The following PRKN variants were observed in gnomAD, a reference collection of about 807,000 sequenced individuals.
PRKN encodes the protein E3 ubiquitin-protein ligase parkin.
A neutral mutation model predicts 59.5 loss-of-function variants in PRKN; 56 were observed. The ratio of observed to expected loss-of-function variants is 0.94; its 90% CI spans 0.76 to 1.18. The LOEUF (loss-of-function observed/expected upper bound fraction) is 1.18, where lower values mean the gene tolerates loss of function less well. Among genes scored for constraint, PRKN ranks in the 50% most tolerant of loss-of-function variants. The pLI is 0.00. For missense variants in PRKN, 657 were observed against 596.4 expected, an observed-to-expected ratio of 1.10 and a Z score of -1.06; for synonymous variants, 250 against 222.1, an observed-to-expected ratio of 1.13 and a Z score of -1.12.
chr6:161,397,032 C>T lies in PRKN; in HGVS notation c.1084-10155G>A, dbSNP rs1189459871. On this transcript the variant is annotated intron_variant, in intron 9 of 11. Transcript: ENST00000366898. The surrounding 1 kb of genome is among the most constrained non-coding windows in gnomAD (Gnocchi z 4.2). ...GGTATACCTGTTCTGGCCCCTTTCC[C>T]CTGCAGCCTCAGCCAAAATGATCAA... is the stretch of plus-strand genomic sequence containing the variant. 6.6e-6 allele frequency among the ~76,000 whole-genome samples: 1 copy of T among 152,170 alleles called. No homozygotes were observed. Among genetic ancestry groups the T allele is most frequent in the Non-Finnish European group, 1.5e-5 (1 of 68,034 alleles).
intron 2 of PRKN, among the ~76,000 whole-genome samples, chr6:162,344,782 T>C (rs1261610798): frequency 6.6e-6 from 1 of 152,134 alleles, no homozygotes; most frequent in African/African-American, 2.4e-5. Flanking sequence ...GGTTTGAAAA[T>C]GGATGTGCCC....
chr6:162,226,961 T>C (rs886638836), intron 3 of PRKN, among the ~76,000 whole-genome samples: 1 of 152,136 alleles, frequency 6.6e-6, no homozygotes, highest in Admixed American at 6.6e-5. Flanking sequence ...AGAAGTTCAT[T>C]CTCTTGCTGC....
intron 4 of PRKN, among the ~76,000 whole-genome samples, chr6:162,119,660 A>G (rs1230744374): frequency 2.0e-5 from 3 of 152,090 alleles, no homozygotes; most frequent in African/African-American, 7.2e-5. Flanking sequence ...TGCCACTTCC[A>G]AGAACAGTTT....
At chr6:162,322,282 C>T (rs1783064202) in intron 2 of PRKN, among the ~76,000 whole-genome samples, 1 of 151,798 alleles carries the variant, frequency 6.6e-6, no homozygotes, top group South Asian at 2.1e-4. Context: ...TAAAACATTG[C>T]TGAGTGATAT....
chr6:161,855,498 C>A (rs1043519790), intron 6 of PRKN, among the ~76,000 whole-genome samples: 2 of 152,192 alleles, frequency 1.3e-5, no homozygotes, highest in African/African-American at 4.8e-5. Flanking sequence ...CACCATTCAT[C>A]TGATGAGATC....
chr6:161,353,017 A>T lies in PRKN; in HGVS notation c.1286-2806T>A, dbSNP rs1196531835. On this transcript the variant is annotated intron_variant, in intron 11 of 11. Transcript: ENST00000366898. The surrounding 1 kb of genome is among the most constrained non-coding windows in gnomAD (Gnocchi z 4.8). ...CTGGTCTCAAACTCCTGACCTCGTG[A>T]TCTGCCTGCCTTGGCCTCCCAAAGT... Among the ~76,000 whole-genome samples the T allele has an allele frequency of 6.6e-6, 1 of 152,062 alleles. No individual in the cohort carries two copies. The highest frequency in any genetic ancestry group is 1.5e-5 in the Non-Finnish European group (1 of 68,010).
chr6:162,405,260 T>C (rs189731632), intron 2 of PRKN, among the ~76,000 whole-genome samples: 475 of 152,310 alleles, frequency 3.1e-3, no homozygotes, highest in Non-Finnish European at 5.2e-3. Context: ...ATTTCTGTAA[T>C]GGCAGATCTT....
intron 9 of PRKN, among the ~76,000 whole-genome samples, chr6:161,516,355 T>C (rs1040373597): frequency 4.0e-5 from 6 of 150,196 alleles, no homozygotes; most frequent in African/African-American, 1.5e-4. Context: ...TAATTCCAGC[T>C]ACTCGGGAGG....
intron 9 of PRKN, among the ~76,000 whole-genome samples, chr6:161,486,159 T>A (rs779256051): frequency 6.6e-6 from 1 of 152,192 alleles, no homozygotes; most frequent in Non-Finnish European, 1.5e-5. Context: ...CATGTAATCA[T>A]GTATTATTTC....
chr6:162,503,275 G>A (rs1034418876), intron 1 of PRKN, among the ~76,000 whole-genome samples: 9 of 150,238 alleles, frequency 6.0e-5, no homozygotes, highest in East Asian at 2.0e-4. Flanking sequence ...CAATTCTCCC[G>A]CCTCAGCCTC....
chr6:162,255,776 T>C (rs1168602421), intron 3 of PRKN, among the ~76,000 whole-genome samples: 3 of 152,194 alleles, frequency 2.0e-5, no homozygotes, highest in African/African-American at 7.2e-5. Context: ...AATCAATGTC[T>C]GTCACCCTTT....
At chr6:161,874,796 ATGTATAAG>A (rs1794622194) in intron 6 of PRKN, among the ~76,000 whole-genome samples, 1 of 115,020 alleles carries the variant, frequency 8.7e-6, no homozygotes, top group African/African-American at 3.6e-5. Context: ...AATAAATAAA[ATGTATAAG>A]ATATATAAAA....
chr6:161,854,084 TAAA>T (rs34040894), intron 6 of PRKN, among the ~76,000 whole-genome samples: 4 of 103,690 alleles, frequency 3.9e-5, no homozygotes, highest in Admixed American at 1.1e-4. Context: ...TGTTTCTACA[TAAA>T]AAAAAAAAAA....
At chr6:162,520,914 C>A (rs1299710399) in intron 1 of PRKN, among the ~76,000 whole-genome samples, 1 of 152,074 alleles carries the variant, frequency 6.6e-6, no homozygotes, top group East Asian at 1.9e-4. Context: ...CTTTAAACAT[C>A]CTTAATCTAA....
chr6:162,684,019 A>G (rs1174899890), intron 1 of PRKN, among the ~76,000 whole-genome samples: 1 of 152,170 alleles, frequency 6.6e-6, no homozygotes, highest in Non-Finnish European at 1.5e-5. Flanking sequence ...TGAAGGGCTT[A>G]TCTACTAGAG....
intron 2 of PRKN, among the ~76,000 whole-genome samples, chr6:162,329,084 G>C (rs929136273): frequency 1.3e-5 from 2 of 152,148 alleles, no homozygotes; most frequent in African/African-American, 4.8e-5. Context: ...AAATCTGCCA[G>C]TTTTTAACTT....
chr6:161,629,330 G>A (rs1783208679), intron 7 of PRKN, among the ~76,000 whole-genome samples: 1 of 152,154 alleles, frequency 6.6e-6, no homozygotes, highest in Non-Finnish European at 1.5e-5. Flanking sequence ...AAGCAAGGGA[G>A]GAGGTACTGA....
At chr6:162,646,514 C>T (rs764466459) in intron 1 of PRKN, among the ~76,000 whole-genome samples, 4 of 151,946 alleles carry the variant, frequency 2.6e-5, no homozygotes, top group Admixed American at 6.6e-5. Context: ...AAACTCCTGG[C>T]CTCAAGCAAT....
At position 161,791,370 on chromosome 6, in the gene PRKN, C is replaced by A. The variant is rs186160122; in HGVS notation, c.735-5462G>T. Among the ~76,000 whole-genome samples the A allele has an allele frequency of 2.7e-3, 412 of 152,284 alleles. 2 individuals carry two copies. The highest frequency in any genetic ancestry group is 9.6e-3 in the African/African-American group (397 of 41,568). On this transcript the variant is annotated intron_variant, in intron 6 of 11. Coordinates refer to ENST00000366898, the MANE Select transcript of PRKN (RefSeq NM_004562.3). Reference sequence around the variant, plus strand: ...ACACAGTGTTCCAAATATTTAAATTCTTGTAAAGTTAGTATTCTAGCATCT... The same window carrying A: ...ACACAGTGTTCCAAATATTTAAATTATTGTAAAGTTAGTATTCTAGCATCT...
Sources: gnomAD v4.1 joint callset for allele counts (sites outside exome capture counted in the v4.1 genomes callset) on GRCh38, gnomAD v4.1.1 for gene constraint, Gnocchi (gnomAD v3.1) non-coding constraint, MANE v1.5 for transcripts, NCBI Gene and HGNC (gene_info 2026-07-23, HGNC 2026-07-21) for gene names.